Variants in DAPK1 observed in about 807,000 individuals in gnomAD.
DAPK1 encodes death-associated protein kinase 1.
In DAPK1, 56 loss-of-function variants were observed where a neutral mutation model predicts 144.9. The ratio of observed to expected loss-of-function variants is 0.39; its 90% CI spans 0.31 to 0.48. DAPK1 has a LOEUF of 0.48. DAPK1 is among the 20% of genes least tolerant of loss of function. DAPK1 has a pLI of 0.95. For missense variants in DAPK1, 1,454 were observed against 1,875.4 expected (o/e 0.78, Z 4.15); for synonymous variants, 690 against 749.0 (o/e 0.92, Z 1.29).
rs118025693 is a variant in DAPK1 at position 87,666,843 on chromosome 9, C to T, written c.1924-1754C>T. Among the ~76,000 whole-genome samples, 1,303 of 152,234 alleles carry T rather than the reference C, an allele frequency of 8.6e-3. 10 individuals carry two copies. Among genetic ancestry groups the T allele is most frequent in the Admixed American group, 0.016 (243 of 15,284 alleles). On this transcript the variant is annotated intron_variant, in intron 18 of 25. Transcript: ENST00000408954. ...TTGAACAGTGGAGAGTTCATCCTGT[C>T]GGTGAAAGGCCTCTGCCTGTGTTTT...
intron 2 of DAPK1, among the ~76,000 whole-genome samples, chr9:87,537,826 G>A (rs528472533): frequency 6.6e-6 from 1 of 152,248 alleles, no homozygotes; most frequent in East Asian, 1.9e-4. Context: ...GCAGGAAGGA[G>A]TATCCTCATA....
chr9:87,638,033 T>C lies in DAPK1; in HGVS notation c.375T>C (p.Asn125=). Residue 125 remains asparagine (N), a synonymous_variant, in exon 4 of 26, where the codon AAT becomes AAC. Transcript: ENST00000408954. ...CTGAATTTCTCAAACAAATTCTTAA[T>C]GGTGTTTACTACCTGCACTCCCTTC... ...EATEFLKQIL[N]GVYYLHSLQI... 6.2e-7 allele frequency: 1 copy of C among 1,614,082 alleles called. No homozygotes were observed. Among genetic ancestry groups the C allele is most frequent in the Non-Finnish European group, 8.5e-7 (1 of 1,179,910 alleles).
chr9:87,542,399 C>G (rs1826087923), intron 2 of DAPK1, among the ~76,000 whole-genome samples: 1 of 152,142 alleles, frequency 6.6e-6, no homozygotes, highest in South Asian at 2.1e-4. Context: ...GACAGTGACA[C>G]AGAGTAAGGA....
chr9:87,643,234 GT>G lies in DAPK1; in HGVS notation c.919-141del. 9 of 581,082 alleles carry G rather than the reference GT, an allele frequency of 1.5e-5. No individual in the cohort carries two copies. The South Asian group carries it at 2.0e-4, about 13-fold the overall frequency. 36.0% of individuals were successfully genotyped at this position (581,082 alleles called of 1,614,324 possible). On this transcript the variant is annotated intron_variant, in intron 10 of 25. Transcript: ENST00000408954. ...AGGATTGCCCACCCTGGGAGAGTGT[GT>G]GCTGATAGCAATGAACACGATCTCG...
chr9:87,696,129 A>G (rs1306918104), intron 21 of DAPK1, among the ~76,000 whole-genome samples: 4 of 147,982 alleles, frequency 2.7e-5, no homozygotes, highest in Non-Finnish European at 5.9e-5. Flanking sequence ...TAATACACCA[A>G]TATTTGAGGG....
chr9:87,502,249 T>C (rs1321424592), intron 2 of DAPK1, among the ~76,000 whole-genome samples: 2 of 151,912 alleles, frequency 1.3e-5, no homozygotes, highest in Non-Finnish European at 2.9e-5. Context: ...TGGCACACCC[T>C]CCAAGCAGAA....
At chr9:87,663,895 C>T (rs1048648673) in intron 18 of DAPK1, among the ~76,000 whole-genome samples, 13 of 152,212 alleles carry the variant, frequency 8.5e-5, no homozygotes, top group African/African-American at 3.1e-4. Flanking sequence ...ACTCTCTCCT[C>T]ACCTATTTGC....
intron 2 of DAPK1, among the ~76,000 whole-genome samples, chr9:87,556,376 G>T (rs1826715507): frequency 6.6e-6 from 1 of 152,212 alleles, no homozygotes; most frequent in Admixed American, 6.5e-5. Flanking sequence ...TGGGGAGGGT[G>T]CCCACGTGTG....
chr9:87,576,868 C>T (rs1230262718), intron 2 of DAPK1, among the ~76,000 whole-genome samples: 2 of 152,068 alleles, frequency 1.3e-5, no homozygotes, highest in African/African-American at 4.8e-5. Flanking sequence ...CCCTGGATCT[C>T]GGTTTTAATT....
At position 87,706,317 on chromosome 9, in the gene DAPK1, G is replaced by A. The variant is rs763546865; in HGVS notation, c.3246G>A (p.Leu1082=). 1.8e-5 allele frequency: 29 copies of A among 1,609,096 alleles called. No homozygotes were observed. The highest frequency in any genetic ancestry group is 1.2e-4 in the Admixed American group (7 of 59,242). The change falls in exon 26 of 26, where the codon CTG becomes CTA. Residue 1082 remains leucine, a synonymous_variant. Transcript: ENST00000408954. The surrounding 1 kb of genome is among the most constrained non-coding windows in gnomAD (Gnocchi z 9.0). ...CCGACAGCGACGTGGAGGAGCTGCT[G>A]CAGATCCTCGATGCCATGGACATCT... ...LVPDSDVEEL[L]QILDAMDICA...
chr9:87,660,129 C>T (rs1443654816), intron 18 of DAPK1, among the ~76,000 whole-genome samples: 1 of 152,158 alleles, frequency 6.6e-6, no homozygotes, highest in East Asian at 1.9e-4. Context: ...AGGACCGGAG[C>T]TCAGCGGCCT....
intron 2 of DAPK1, among the ~76,000 whole-genome samples, chr9:87,501,217 C>T (rs1366089449): frequency 2.0e-5 from 3 of 152,158 alleles, no homozygotes; most frequent in African/African-American, 7.2e-5. Flanking sequence ...AGACCAGTAT[C>T]TAAGATTTAA....
At chr9:87,643,057 G>A (rs1353608559) in intron 10 of DAPK1, among the ~76,000 whole-genome samples, 2 of 152,128 alleles carry the variant, frequency 1.3e-5, no homozygotes, top group South Asian at 4.1e-4. Flanking sequence ...TCTCCAAACA[G>A]CAGAGAAGAA....
rs1012662561 is a variant in DAPK1 at position 87,662,418 on chromosome 9, G to A, written c.1923+4291G>A. Among the ~76,000 whole-genome samples, 3 of 152,040 alleles carry A rather than the reference G, an allele frequency of 2.0e-5. No homozygotes were observed. In the South Asian group the frequency reaches 6.2e-4, roughly 32 times the overall value. ...TCTGTAGATTGTTTCAGGCAGTATGGTCATTTTAACAATATTAATTCTTCC... is the reference window on the plus strand; with the variant it reads ...TCTGTAGATTGTTTCAGGCAGTATGATCATTTTAACAATATTAATTCTTCC... On this transcript the variant is annotated intron_variant, in intron 18 of 25. Transcript: ENST00000408954.
chr9:87,523,152 A>T (rs912034608), intron 2 of DAPK1, among the ~76,000 whole-genome samples: 1 of 152,160 alleles, frequency 6.6e-6, no homozygotes, highest in Admixed American at 6.5e-5. Flanking sequence ...AAGTCCATTC[A>T]CATTGGTTGT....
intron 17 of DAPK1, among the ~76,000 whole-genome samples, chr9:87,655,368 T>A (rs902615143): frequency 6.6e-6 from 1 of 151,794 alleles, no homozygotes; most frequent in Non-Finnish European, 1.5e-5. Flanking sequence ...TTTTTTTTTT[T>A]AAAGGAAAGG....
In DAPK1 at chr9:87,627,828, G is replaced by C. The variant is rs180779215; in HGVS notation, c.285-10115G>C. Reference sequence around the variant, plus strand: ...AGCTTCAAGGGTTTCTCTCACCTATGGCTGTGAGGAGTTCAGGCCAAGGAT... The same window carrying C: ...AGCTTCAAGGGTTTCTCTCACCTATCGCTGTGAGGAGTTCAGGCCAAGGAT... On this transcript the variant is annotated intron_variant, in intron 3 of 25. Transcript: ENST00000408954. Among the ~76,000 whole-genome samples, 3 of 152,270 alleles carry C rather than the reference G, an allele frequency of 2.0e-5. No homozygotes were observed. In the East Asian group the frequency reaches 5.8e-4, roughly 29 times the overall value.
At chr9:87,668,550 A>C (rs547569066) in intron 18 of DAPK1, 47 bp from the exon 19 acceptor site, 8 of 930,054 alleles carry the variant, frequency 8.6e-6, no homozygotes, top group Non-Finnish European at 1.4e-5. Flanking sequence ...GAACACACAC[A>C]GCTCTCCTTT....
chr9:87,503,355 C>G (rs769739861), intron 2 of DAPK1, among the ~76,000 whole-genome samples: 1 of 152,100 alleles, frequency 6.6e-6, no homozygotes, highest in Non-Finnish European at 1.5e-5. Context: ...ACCTTGAACT[C>G]CTGGGCTCAA....
Sources: gnomAD v4.1 joint callset for allele counts (sites outside exome capture counted in the v4.1 genomes callset) on GRCh38, gnomAD v4.1.1 for gene constraint, Gnocchi (gnomAD v3.1) non-coding constraint, MANE v1.5 for transcripts, NCBI Gene and HGNC (gene_info 2026-07-23, HGNC 2026-07-21) for gene names.